Variants in VIT observed in about 807,000 individuals in gnomAD.
VIT encodes vitrin.
Under a neutral mutation model 78.0 loss-of-function variants are expected in VIT, and 99 were observed. The observed-to-expected ratio is 1.27, with a 90% CI of 1.08 to 1.50. The LOEUF is 1.50. VIT is among the 40% of genes most tolerant of loss of function. The pLI is 0.00. For missense variants in VIT, 1,126 were observed against 875.3 expected (o/e 1.29, Z -3.61); for synonymous variants, 374 against 334.3 (o/e 1.12, Z -1.29).
chr2:36,762,905 C>T (rs2148573168), intron 6 of VIT, among the ~76,000 whole-genome samples: 1 of 152,276 alleles, frequency 6.6e-6, no homozygotes, highest in Middle Eastern at 3.4e-3. Flanking sequence ...TCCCCCACCA[C>T]CGCGCCCCAA....
chr2:36,725,140 C>T (rs1250370484), intron 2 of VIT, among the ~76,000 whole-genome samples: 6 of 152,130 alleles, frequency 3.9e-5, no homozygotes, highest in Admixed American at 2.6e-4. Flanking sequence ...TCACTCAGTT[C>T]TCTTTCATGT....
chr2:36,727,646 C>A (rs1475137102), intron 2 of VIT, among the ~76,000 whole-genome samples: 3 of 152,232 alleles, frequency 2.0e-5, no homozygotes, highest in Non-Finnish European at 2.9e-5. Flanking sequence ...ACAAACTAGA[C>A]ATCTCTTTTC....
Position 36,767,147 on chromosome 2 carries a change from C to A in VIT, c.541C>A (p.Pro181Thr). ...RPPIPGTTAQPVTLMQLLAVT... is the reference protein window; with the variant it reads ...RPPIPGTTAQTVTLMQLLAVT... ...ACCTATTCCAGGGACAACTGCACAG[C>A]CGGTCACTCTGATGCAGCTTCTGGC... is the stretch of plus-strand genomic sequence containing the variant. The change falls in exon 7 of 16, where the codon CCG becomes ACG. Residue 181 changes from proline (P) to threonine (T), a missense_variant. Pro to Thr is a conservative substitution (Grantham distance 38). Coordinates refer to ENST00000379242, the MANE Select transcript of VIT (RefSeq NM_053276.4). The A allele has an allele frequency of 1.2e-6, 2 of 1,609,018 alleles. No individual in the cohort carries two copies. Among genetic ancestry groups the A allele is most frequent in the South Asian group, 1.1e-5 (1 of 89,842 alleles).
chr2:36,706,574 C>T (rs1665438793), intron 1 of VIT, among the ~76,000 whole-genome samples: 1 of 152,098 alleles, frequency 6.6e-6, no homozygotes, highest in Admixed American at 6.6e-5. Context: ...TATTCAGGGC[C>T]CCATATGACC....
chr2:36,775,173 A>C, intron 9 of VIT, 106 bp downstream of exon 9: 3 of 1,291,716 alleles, frequency 2.3e-6, no homozygotes, highest in Non-Finnish European at 3.2e-6. Context: ...TCTGCAGCTC[A>C]ACTTCAGGTC....
At chr2:36,790,292 C>G (rs2148640677) in intron 12 of VIT, among the ~76,000 whole-genome samples, 1 of 152,204 alleles carries the variant, frequency 6.6e-6, no homozygotes, top group African/African-American at 2.4e-5. Flanking sequence ...ATCCCCTTCC[C>G]CTCCTCTGCC....
At chr2:36,723,418 C>A (rs1454660602) in intron 2 of VIT, among the ~76,000 whole-genome samples, 4 of 152,146 alleles carry the variant, frequency 2.6e-5, no homozygotes, top group African/African-American at 4.8e-5. Context: ...CCTGCTTATA[C>A]TTCACCAACA....
intron 3 of VIT, among the ~76,000 whole-genome samples, chr2:36,730,303 G>A (rs1336174816): frequency 6.6e-6 from 1 of 151,252 alleles, no homozygotes; most frequent in Non-Finnish European, 1.5e-5. Context: ...AAAAAAACAG[G>A]GGGAAAAAAA....
rs1229352054 is a variant in VIT at position 36,760,627 on chromosome 2, C to G, written c.487+1581C>G. Among the ~76,000 whole-genome samples the G allele has an allele frequency of 2.6e-5, 4 of 152,310 alleles. No individual in the cohort carries two copies. The Middle Eastern group carries it at 0.01, about 389-fold the overall frequency. ...GTGGCTGGCATCTCTGTTGTTTCATCTGGCCCTGTGGCTCTGCAGAGCCAG... is the reference window on the plus strand; with the variant it reads ...GTGGCTGGCATCTCTGTTGTTTCATGTGGCCCTGTGGCTCTGCAGAGCCAG... On this transcript the variant is annotated intron_variant, in intron 6 of 15. Coordinates refer to ENST00000379242, the MANE Select transcript of VIT (RefSeq NM_053276.4).
At chr2:36,761,321 C>T (rs887996025) in intron 6 of VIT, among the ~76,000 whole-genome samples, 14 of 152,150 alleles carry the variant, frequency 9.2e-5, no homozygotes, top group Admixed American at 7.2e-4. Context: ...CTTCTGACCC[C>T]TCCTGTTTTT....
At chr2:36,716,290 C>T (rs1313589059) in intron 1 of VIT, 63 bp from the exon 2 acceptor site, 75 of 1,378,222 alleles carry the variant, frequency 5.4e-5, no homozygotes, top group Non-Finnish European at 7.1e-5. Context: ...CCCACACACT[C>T]TGTGCATCCA....
chr2:36,698,989 TCC>T (rs1211041736), intron 1 of VIT, among the ~76,000 whole-genome samples: 1 of 93,806 alleles, frequency 1.1e-5, no homozygotes, highest in Non-Finnish European at 2.2e-5. Flanking sequence ...AATCTTTTAT[TCC>T]CCACATATTA....
intron 4 of VIT, among the ~76,000 whole-genome samples, chr2:36,744,268 A>G (rs1668007428): frequency 6.6e-6 from 1 of 152,210 alleles, no homozygotes. Context: ...TGCAACGAAC[A>G]TACTGGTGCA....
chr2:36,741,283 T>C (rs1487051781), intron 3 of VIT, among the ~76,000 whole-genome samples: 3 of 152,186 alleles, frequency 2.0e-5, no homozygotes, highest in African/African-American at 7.2e-5. Flanking sequence ...TATCAGAGTT[T>C]AAAAGAATGA....
At chr2:36,779,100 G>A (rs1670239972) in intron 9 of VIT, among the ~76,000 whole-genome samples, 1 of 152,166 alleles carries the variant, frequency 6.6e-6, no homozygotes, top group Admixed American at 6.5e-5. Context: ...TTGAAGACTT[G>A]ACTACATTAG....
At chr2:36,751,819 A>G (rs1668483218) in intron 4 of VIT, among the ~76,000 whole-genome samples, 1 of 152,346 alleles carries the variant, frequency 6.6e-6, no homozygotes, top group Non-Finnish European at 1.5e-5. Context: ...TGGAAAATCT[A>G]TTTGGAAGGA....
At position 36,805,534 on chromosome 2, in the gene VIT, G is replaced by C. The variant is rs1450866735; in HGVS notation, c.1259G>C (p.Trp420Ser). 6.2e-7 allele frequency: 1 copy of C among 1,614,126 alleles called. No homozygotes were observed. Among genetic ancestry groups the C allele is most frequent in the South Asian group, 1.1e-5 (1 of 91,080 alleles). ...PNVVVVMVDG[W>S]PTDKVEEASR... Reference sequence around the variant, plus strand: ...GTGGTGGTGGTGATGGTGGATGGCTGGCCCACGGACAAAGTGGAGGAGGCT... The same window carrying C: ...GTGGTGGTGGTGATGGTGGATGGCTCGCCCACGGACAAAGTGGAGGAGGCT... The change falls in exon 14 of 16, where the codon TGG (tryptophan) becomes TCG (serine). Residue 420 changes from tryptophan (W) to serine (S), a missense_variant. Trp to Ser is a radical substitution (Grantham distance 177). Coordinates refer to ENST00000379242, the MANE Select transcript of VIT (RefSeq NM_053276.4).
chr2:36,751,031 G>A (rs1011894369), intron 4 of VIT, among the ~76,000 whole-genome samples: 9 of 152,136 alleles, frequency 5.9e-5, no homozygotes, highest in African/African-American at 1.7e-4. Flanking sequence ...AGGCCAAGGC[G>A]GGAAGATCAC....
At chr2:36,737,556 C>G (rs947865328) in intron 3 of VIT, among the ~76,000 whole-genome samples, 2 of 152,164 alleles carry the variant, frequency 1.3e-5, no homozygotes, top group Admixed American at 6.5e-5. Flanking sequence ...ATGTAGTTCA[C>G]ATAGTTCTCT....
Sources: gnomAD v4.1 joint callset for allele counts (sites outside exome capture counted in the v4.1 genomes callset) on GRCh38, gnomAD v4.1.1 for gene constraint, MANE v1.5 for transcripts, NCBI Gene and HGNC (gene_info 2026-07-23, HGNC 2026-07-21) for gene names.